Variants in BOLL observed in about 807,000 individuals in gnomAD.
The protein encoded by BOLL is boule RNA binding protein.
BOLL carries 23 observed loss-of-function variants against 44.4 expected under a neutral mutation model. The ratio of observed to expected loss-of-function variants is 0.52; its 90% CI spans 0.37 to 0.73. The LOEUF is 0.73. Ranked by LOEUF, BOLL falls within the 30% of genes least tolerant of loss-of-function variation. The probability of loss-of-function intolerance (pLI) is 0.00; values close to 1 mark genes in which losing one functional copy is unlikely to be tolerated. For synonymous variants in BOLL, 97 were observed against 110.8 expected (o/e 0.88, Z 0.78); for missense variants, 287 against 338.3 (o/e 0.85, Z 1.19).
chr2:197,770,627 T>A (rs1248577229), intron 6 of BOLL, among the ~76,000 whole-genome samples: 3 of 151,962 alleles, frequency 2.0e-5, no homozygotes, highest in African/African-American at 7.2e-5. Context: ...CAGAATCTAC[T>A]AAGAACTTAA....
At chr2:197,753,050 G>T (rs952609695) in intron 9 of BOLL, among the ~76,000 whole-genome samples, 1 of 152,108 alleles carries the variant, frequency 6.6e-6, no homozygotes, top group African/African-American at 2.4e-5. Context: ...ACAAGAAATG[G>T]GGAAAGGATT....
chr2:197,740,250 A>G (rs1284849156), intron 10 of BOLL, among the ~76,000 whole-genome samples: 1 of 152,200 alleles, frequency 6.6e-6, no homozygotes, highest in African/African-American at 2.4e-5. Context: ...AGGATGGGCC[A>G]GAACATAAAT....
At position 197,779,213 on chromosome 2, in the gene BOLL, G is replaced by A. The variant is rs1159310373; in HGVS notation, c.130-147C>T. On this transcript the variant is annotated intron_variant, in intron 2 of 10. Coordinates refer to ENST00000392296, the MANE Select transcript of BOLL (RefSeq NM_033030.6). ...ATCAAAACAGTGCATAAACCACTAG[G>A]TGATTAAAATCAAGGTAAATATCTT... 7 of 573,850 alleles carry A rather than the reference G, an allele frequency of 1.2e-5. No homozygotes were observed. In the East Asian group the frequency reaches 1.8e-4, roughly 14 times the overall value. 35.5% of individuals were successfully genotyped at this position (573,850 alleles called of 1,614,324 possible).
intron 2 of BOLL, among the ~76,000 whole-genome samples, chr2:197,781,336 T>C (rs891540192): frequency 1.3e-5 from 2 of 152,130 alleles, no homozygotes; most frequent in African/African-American, 2.4e-5. Context: ...AAGTAAGTTT[T>C]TAAAAAATAG....
chr2:197,784,915 T>G (rs947416721), intron 1 of BOLL, 141 bp downstream of exon 1: 2 of 986,758 alleles, frequency 2.0e-6, no homozygotes, highest in African/African-American at 1.7e-5. Flanking sequence ...CTCCTCCGTT[T>G]GCTAAAACTT....
At chr2:197,741,702 A>G (rs1687741377) in intron 10 of BOLL, among the ~76,000 whole-genome samples, 1 of 152,016 alleles carries the variant, frequency 6.6e-6, no homozygotes, top group Non-Finnish European at 1.5e-5. Context: ...CTAAAACCAT[A>G]AAAACCCTAG....
intron 1 of BOLL, among the ~76,000 whole-genome samples, chr2:197,783,997 G>T (rs186837794): frequency 8.5e-4 from 130 of 152,188 alleles, no homozygotes; most frequent in African/African-American, 3.0e-3. Flanking sequence ...GAAATGAACG[G>T]AAGTAAACAG....
chr2:197,751,792 T>C lies in BOLL; in HGVS notation c.729+4636A>G, dbSNP rs192006960. On this transcript the variant is annotated intron_variant, in intron 9 of 10. Coordinates refer to ENST00000392296, the MANE Select transcript of BOLL (RefSeq NM_033030.6). ...AAGAGGGACTCCTTCCTAACTTATT[T>C]TGTGAGGCCAGCATCATCCTGATAC... 8.5e-4 allele frequency among the ~76,000 whole-genome samples: 130 copies of C among 152,096 alleles called. 1 individual carries two copies. Among genetic ancestry groups the C allele is most frequent in the African/African-American group, 3.0e-3 (124 of 41,484 alleles).
chr2:197,760,456 C>T (rs1292946520), intron 7 of BOLL, among the ~76,000 whole-genome samples: 2 of 152,212 alleles, frequency 1.3e-5, no homozygotes, highest in Admixed American at 1.3e-4. Context: ...TGAGAAACAG[C>T]CCCACAGGCT....
chr2:197,775,772 A>AT, intron 4 of BOLL, 32 bp from the exon 5 acceptor site: 1 of 1,257,298 alleles, frequency 8.0e-7, no homozygotes, highest in East Asian at 2.6e-5. Flanking sequence ...TTATTTTATT[A>AT]TTTTAGCACT....
intron 2 of BOLL, among the ~76,000 whole-genome samples, chr2:197,781,331 A>G (rs1378381003): frequency 1.3e-5 from 2 of 152,170 alleles, no homozygotes; most frequent in African/African-American, 4.8e-5. Context: ...CATAAAAGTA[A>G]GTTTTTAAAA....
intron 5 of BOLL, among the ~76,000 whole-genome samples, chr2:197,772,435 A>T (rs1689308830): frequency 6.6e-6 from 1 of 152,090 alleles, no homozygotes; most frequent in South Asian, 2.1e-4. Flanking sequence ...TGATGGAGGC[A>T]GTAAAGTTGG....
chr2:197,777,930 C>T (rs1558997727), intron 3 of BOLL, among the ~76,000 whole-genome samples: 1 of 151,996 alleles, frequency 6.6e-6, no homozygotes, highest in East Asian at 1.9e-4. Flanking sequence ...TTCTCTTTAT[C>T]TATTTGCCCA....
intron 9 of BOLL, among the ~76,000 whole-genome samples, chr2:197,744,618 A>G (rs185635490): frequency 3.3e-3 from 506 of 152,284 alleles, no homozygotes; most frequent in South Asian, 5.8e-3. Flanking sequence ...TACTTTTTCA[A>G]GACACTTGGC....
chr2:197,760,551 C>T (rs546404517), intron 7 of BOLL, among the ~76,000 whole-genome samples: 1 of 152,348 alleles, frequency 6.6e-6, no homozygotes, highest in Admixed American at 6.5e-5. Context: ...GGCCCCAAGC[C>T]CAGTGAGCCA....
At chr2:197,758,713 A>G (rs977882543) in intron 7 of BOLL, among the ~76,000 whole-genome samples, 3 of 152,198 alleles carry the variant, frequency 2.0e-5, no homozygotes, top group Non-Finnish European at 4.4e-5. Context: ...CCAATTTCTC[A>G]CTAAAATTAA....
chr2:197,783,614 T>C (rs1193839292), intron 1 of BOLL, among the ~76,000 whole-genome samples: 1 of 152,198 alleles, frequency 6.6e-6, no homozygotes, highest in Non-Finnish European at 1.5e-5. Context: ...AGCCACCACA[T>C]TTAATAATTA....
chr2:197,775,701 C>A lies in BOLL; in HGVS notation c.316G>T (p.Gly106Cys). ...LNYKDKKLNI[G>C]PAIRKQQVGI... is the part of the protein sequence containing the mutation. ...ACTTGTTGTTTTCTTATTGCTGGAC[C>A]AATGTTCAGCTTCTTATCCTTATAA... The change falls in exon 5 of 11, where the codon GGT (glycine) becomes TGT (cysteine). Residue 106 changes from glycine to cysteine, a missense_variant. Coordinates refer to ENST00000392296, the MANE Select transcript of BOLL (RefSeq NM_033030.6). 6.4e-7 allele frequency: 1 copy of A among 1,565,998 alleles called. No individual in the cohort carries two copies. The highest frequency in any genetic ancestry group is 8.7e-7 in the Non-Finnish European group (1 of 1,154,416).
intron 9 of BOLL, among the ~76,000 whole-genome samples, chr2:197,752,957 T>C (rs1056016909): frequency 6.6e-6 from 1 of 152,102 alleles, no homozygotes; most frequent in Non-Finnish European, 1.5e-5. Context: ...AAAACAGATA[T>C]ATAGACCAAT....
Sources: allele counts gnomAD v4.1 joint callset (sites outside exome capture counted in the v4.1 genomes callset), GRCh38; gene constraint gnomAD v4.1.1; transcripts MANE v1.5; gene names NCBI Gene and HGNC (gene_info 2026-07-23, HGNC 2026-07-21).